The following TPST2 variants were observed in gnomAD, a reference collection of about 807,000 sequenced individuals.
TPST2 encodes protein-tyrosine sulfotransferase 2.
Under a neutral mutation model 27.8 loss-of-function variants are expected in TPST2, and 16 were observed. The observed-to-expected ratio is 0.58, with a 90% CI of 0.39 to 0.88. The LOEUF (loss-of-function observed/expected upper bound fraction) is 0.88, where lower values mean the gene tolerates loss of function less well. Among genes scored for constraint, TPST2 ranks in the 40% least tolerant of loss-of-function variants. The probability of loss-of-function intolerance (pLI) is 0.00; values close to 1 mark genes in which losing one functional copy is unlikely to be tolerated. For synonymous variants in TPST2, 229 were observed against 231.7 expected, an observed-to-expected ratio of 0.99 and a Z score of 0.10; for missense variants, 464 against 543.1, an observed-to-expected ratio of 0.85 and a Z score of 1.45.
chr22:26,582,171 AATCCC>A (rs1928139958), intron 1 of TPST2, among the ~76,000 whole-genome samples: 1 of 152,220 alleles, frequency 6.6e-6, no homozygotes, highest in African/African-American at 2.4e-5. Flanking sequence ...TCACGCCTGT[AATCCC>A]AGCATTTTGG....
intron 1 of TPST2, among the ~76,000 whole-genome samples, chr22:26,583,549 G>C (rs959497086): frequency 9.6e-5 from 13 of 134,854 alleles, no homozygotes; most frequent in African/African-American, 3.4e-4. Flanking sequence ...GGCTCTTGGA[G>C]CGTGTCAAAA....
intron 1 of TPST2, among the ~76,000 whole-genome samples, chr22:26,558,868 A>G (rs917002741): frequency 6.6e-6 from 1 of 152,230 alleles, no homozygotes; most frequent in Non-Finnish European, 1.5e-5. Flanking sequence ...CAAAAAATAT[A>G]AAGTGTTTAA....
intron 1 of TPST2, among the ~76,000 whole-genome samples, chr22:26,561,828 G>A (rs144909837): frequency 1.7e-4 from 26 of 152,284 alleles, no homozygotes; most frequent in African/African-American, 6.0e-4. Flanking sequence ...TTGAGCAGTG[G>A]GTGAGCAGCA....
chr22:26,536,245 T>A (rs2147181711), intron 4 of TPST2, 43 bp downstream of exon 4: 1 of 1,609,244 alleles, frequency 6.2e-7, no homozygotes, highest in Non-Finnish European at 8.5e-7. Context: ...AGAAGCCCCA[T>A]ATCCCCAAGA....
chr22:26,578,937 G>A (rs1224197702), intron 1 of TPST2, among the ~76,000 whole-genome samples: 2 of 148,992 alleles, frequency 1.3e-5, no homozygotes, highest in African/African-American at 5.0e-5. Flanking sequence ...CTGCAGCCTT[G>A]ACCTCCCAGG....
At chr22:26,542,625 C>A (rs896802371) in intron 2 of TPST2, among the ~76,000 whole-genome samples, 1 of 152,130 alleles carries the variant, frequency 6.6e-6, no homozygotes, top group African/African-American at 2.4e-5. Flanking sequence ...GTTCTACCTG[C>A]GTAGGTGAGG....
chr22:26,564,612 C>T (rs1032946670), intron 1 of TPST2, among the ~76,000 whole-genome samples: 1 of 152,226 alleles, frequency 6.6e-6, no homozygotes, highest in African/African-American at 2.4e-5. Flanking sequence ...CAGAAGGCTG[C>T]AGTGAACACT....
intron 3 of TPST2, among the ~76,000 whole-genome samples, chr22:26,539,605 A>C (rs1925677444): frequency 7.3e-6 from 1 of 136,594 alleles, no homozygotes; most frequent in Non-Finnish European, 1.7e-5. Context: ...TCTACTAGGA[A>C]AAAAAAAAAA....
At chr22:26,531,102 C>A (rs1382304647) in intron 5 of TPST2, among the ~76,000 whole-genome samples, 1 of 152,210 alleles carries the variant, frequency 6.6e-6, no homozygotes, top group East Asian at 1.9e-4. Flanking sequence ...TGACCTGGGA[C>A]TGGTTTTTGT....
At chr22:26,550,528 G>T in intron 1 of TPST2, 1 of 938,972 alleles carries the variant, frequency 1.1e-6, no homozygotes, top group Non-Finnish European at 1.3e-6. Flanking sequence ...CAGGGGGGCA[G>T]GGAGGGGACA....
intron 1 of TPST2, among the ~76,000 whole-genome samples, chr22:26,587,897 A>G (rs908327659): frequency 6.6e-6 from 1 of 152,060 alleles, no homozygotes; most frequent in Non-Finnish European, 1.5e-5. Flanking sequence ...GTTCAAGACC[A>G]GCCTGGGCAA....
At chr22:26,565,674 T>C (rs1485985707) in intron 1 of TPST2, 1 of 152,228 alleles carries the variant, frequency 6.6e-6, no homozygotes. Context: ...AGAAATGCAG[T>C]GTGAGACACA....
At chr22:26,540,473 C>T (rs1474188872) in intron 3 of TPST2, among the ~76,000 whole-genome samples, 1 of 152,092 alleles carries the variant, frequency 6.6e-6, no homozygotes, top group Admixed American at 6.5e-5. Flanking sequence ...GTGGCGCATG[C>T]CTATAGTCCC....
intron 1 of TPST2, among the ~76,000 whole-genome samples, chr22:26,561,748 A>G (rs904906705): frequency 6.6e-6 from 1 of 152,182 alleles, no homozygotes; most frequent in African/African-American, 2.4e-5. Flanking sequence ...TTTGTAGGAC[A>G]TGGAATGCTA....
chr22:26,535,855 C>T, intron 4 of TPST2: 1 of 339,340 alleles, frequency 2.9e-6, no homozygotes. Context: ...TTAAACAGCC[C>T]TAAACTCACA....
chr22:26,540,844 C>A lies in TPST2; in HGVS notation c.787G>T (p.Ala263Ser), dbSNP rs377669991. The change falls in exon 3 of 7, where the codon GCT becomes TCT. Residue 263 changes from alanine (A) to serine (S), a missense_variant. Ala to Ser is a moderately conservative substitution (Grantham distance 99). Coordinates refer to ENST00000338754, the MANE Select transcript of TPST2 (RefSeq NM_003595.5). ...ATGAGGTCTTCATGGTGGAGGACAG[C>A]GTCGCTCCAGGCGATGCCGAGGAAG... The part of the protein sequence containing the change: ...LDFLGIAWSD[A>S]VLHHEDLIGK... 1.1e-5 allele frequency: 17 copies of A among 1,613,070 alleles called. No individual in the cohort carries two copies. The highest frequency in any genetic ancestry group is 1.4e-5 in the Non-Finnish European group (17 of 1,179,670).
At chr22:26,540,027 T>C (rs139602179) in intron 3 of TPST2, among the ~76,000 whole-genome samples, 27 of 152,316 alleles carry the variant, frequency 1.8e-4, no homozygotes, top group African/African-American at 6.0e-4. Context: ...ATGGTGAGGA[T>C]GGGTACTCCA....
Position 26,540,424 on chromosome 22 carries a change from C to A in TPST2, c.842+365G>T, listed in dbSNP as rs182691489. Among the ~76,000 whole-genome samples, 1,007 of 152,232 alleles carry A rather than the reference C, an allele frequency of 6.6e-3. 12 individuals are homozygous for A. Among genetic ancestry groups the A allele is most frequent in the Middle Eastern group, 0.014 (4 of 294 alleles). ...AGACCAGCCTGGGCAACAGGGCAAA[C>A]CCCATCTCTACCAAAAATACAAAAA... On this transcript the variant is annotated intron_variant, in intron 3 of 6. Transcript: ENST00000338754.
At chr22:26,547,784 C>T (rs1485478944) in intron 1 of TPST2, among the ~76,000 whole-genome samples, 4 of 152,188 alleles carry the variant, frequency 2.6e-5, no homozygotes. Flanking sequence ...CACTGTACTC[C>T]AGCTTGGATG....
Sources: gnomAD v4.1 joint callset for allele counts (sites outside exome capture counted in the v4.1 genomes callset) on GRCh38, gnomAD v4.1.1 for gene constraint, MANE v1.5 for transcripts, NCBI Gene and HGNC (gene_info 2026-07-23, HGNC 2026-07-21) for gene names.